The following CEACAM19 variants were observed in gnomAD, a reference collection of about 807,000 sequenced individuals.
CEACAM19 encodes CEA cell adhesion molecule 19, also known as cell adhesion molecule CEACAM19.
Under a neutral mutation model 37.6 loss-of-function variants are expected in CEACAM19, and 37 were observed. The ratio of observed to expected loss-of-function variants is 0.98; its 90% CI spans 0.76 to 1.29. The LOEUF (loss-of-function observed/expected upper bound fraction) is 1.29, where lower values mean the gene tolerates loss of function less well. Among genes scored for constraint, CEACAM19 ranks in the 50% most tolerant of loss-of-function variants. CEACAM19 has a pLI of 0.00. For missense variants in CEACAM19, 340 were observed against 375.6 expected (o/e 0.91, Z 0.78); for synonymous variants, 140 against 149.8 (o/e 0.93, Z 0.48).
At chr19:44,671,145 G>A (rs186386245), upstream of CEACAM19, among the ~76,000 whole-genome samples, 125 of 149,298 alleles carry the variant, frequency 8.4e-4, 2 homozygotes, top group African/African-American at 2.8e-3. Flanking sequence ...TTTTTGAGAC[G>A]AAGTCTCGCT....
chr19:44,668,773 T>A (rs1973810680), upstream of CEACAM19, among the ~76,000 whole-genome samples: 1 of 113,940 alleles, frequency 8.8e-6, no homozygotes, highest in African/African-American at 3.6e-5. Context: ...TATAATATAA[T>A]ATATAATTAT....
chr19:44,669,752 C>A (rs1973824931), upstream of CEACAM19, among the ~76,000 whole-genome samples: 3 of 152,154 alleles, frequency 2.0e-5, no homozygotes, highest in African/African-American at 7.2e-5. Context: ...CAGATGCCCC[C>A]TCCCCCAGGA....
At chr19:44,672,458 C>CTAATCAATCCCAGCATTGTTTCCAAT in intron 1 of CEACAM19, 138 bp from the exon 2 acceptor site, 1 of 965,004 alleles carries the variant, frequency 1.0e-6, no homozygotes, top group South Asian at 2.6e-5. Context: ...GCAGACATCA[C>CTAATCAATCCCAGCATTGTTTCCAAT]TAATCAATCC....
Position 44,671,581 on chromosome 19 carries a change from G to A in CEACAM19, c.-351G>A. On this transcript the variant is annotated 5_prime_UTR_variant, in exon 1 of 8. Coordinates refer to ENST00000358777, the MANE Select transcript of CEACAM19 (RefSeq NM_001127893.3). ...GCAGTGTGTGTTTGAACAAACCCAG[G>A]GGAATTGTTCAAACAGAGGCTGTTA... 1 of 414,358 alleles carries A rather than the reference G, an allele frequency of 2.4e-6. No homozygotes were observed. Among genetic ancestry groups the A allele is most frequent in the East Asian group, 3.4e-5 (1 of 29,342 alleles). 25.7% of individuals were successfully genotyped at this position (414,358 alleles called of 1,614,324 possible).
upstream of CEACAM19, among the ~76,000 whole-genome samples, chr19:44,668,581 TTA>T (rs1973796405): frequency 2.9e-5 from 2 of 68,584 alleles, no homozygotes; most frequent in Admixed American, 2.7e-4. Flanking sequence ...ATGTATATAA[TTA>T]TATAATTATA....
At chr19:44,668,982 G>T (rs1437587980), upstream of CEACAM19, among the ~76,000 whole-genome samples, 2 of 149,466 alleles carry the variant, frequency 1.3e-5, no homozygotes, top group African/African-American at 4.9e-5. Flanking sequence ...ACCACGGCCA[G>T]CTAATGTTTG....
At chr19:44,672,191 G>A (rs1973866935) in intron 1 of CEACAM19, among the ~76,000 whole-genome samples, 1 of 152,142 alleles carries the variant, frequency 6.6e-6, no homozygotes, top group Non-Finnish European at 1.5e-5. Context: ...AGGAATTTAT[G>A]TATGTTTGGT....
upstream of CEACAM19, among the ~76,000 whole-genome samples, chr19:44,667,657 TATATAA>T (rs1326781135): frequency 6.5e-5 from 6 of 91,696 alleles, no homozygotes; most frequent in East Asian, 8.0e-4. Flanking sequence ...ATTATATAGA[TATATAA>T]ATATAAATAT....
intron 7 of CEACAM19, 74 bp downstream of exon 7, chr19:44,682,694 G>A (rs569017722): frequency 2.8e-6 from 4 of 1,406,558 alleles, no homozygotes; most frequent in Non-Finnish European, 3.9e-6. Flanking sequence ...GGTGGGGAGG[G>A]GTCAAGACAA....
At chr19:44,671,074 G>A (rs1268560254), upstream of CEACAM19, among the ~76,000 whole-genome samples, 1 of 151,592 alleles carries the variant, frequency 6.6e-6, no homozygotes, top group Non-Finnish European at 1.5e-5. Context: ...TGGGCAACAA[G>A]AGCGAAACTC....
intron 7 of CEACAM19, chr19:44,683,189 T>C (rs2122156367): frequency 2.4e-6 from 1 of 419,568 alleles, no homozygotes; most frequent in Non-Finnish European, 4.3e-6. Flanking sequence ...TCTCTGCATC[T>C]CTGTCTCTCT....
chr19:44,668,214 TATA>T (rs1279011664), upstream of CEACAM19, among the ~76,000 whole-genome samples: 14 of 87,906 alleles, frequency 1.6e-4, no homozygotes, highest in East Asian at 3.6e-4. Context: ...TATATATTTA[TATA>T]ATATTTATAT....
At chr19:44,683,054 G>GGCTC (rs1974090756) in intron 7 of CEACAM19, 2 of 190,534 alleles carry the variant, frequency 1.0e-5, no homozygotes, top group African/African-American at 5.9e-5. Context: ...CCCTTTCTTG[G>GGCTC]ACTCTCTCTC....
At chr19:44,668,475 AATATATATATTAT>A (rs1338754570), upstream of CEACAM19, among the ~76,000 whole-genome samples, 18 of 62,856 alleles carry the variant, frequency 2.9e-4, no homozygotes, top group African/African-American at 1.3e-3. Flanking sequence ...TATATAATAT[AATATATATATTAT>A]ATATATTATA....
intron 3 of CEACAM19, 105 bp from the exon 4 acceptor site, chr19:44,678,747 AC>A (rs1295479229): frequency 3.4e-6 from 5 of 1,451,092 alleles, no homozygotes; most frequent in Admixed American, 2.1e-5. Flanking sequence ...CACACCTTCC[AC>A]CCCCTCCCCC....
At position 44,672,976 on chromosome 19, in the gene CEACAM19, G is replaced by A. The variant is rs774727216; in HGVS notation, c.424+12G>A. The A allele has an allele frequency of 1.4e-6, 2 of 1,463,220 alleles. No homozygotes were observed. The highest frequency in any genetic ancestry group is 2.5e-5 in the East Asian group (1 of 40,012). The allele number at this position is 1,463,220 out of a possible 1,614,324, so 90.6% of individuals were successfully genotyped here. On this transcript the variant is annotated intron_variant, in intron 2 of 7. Coordinates refer to ENST00000358777, the MANE Select transcript of CEACAM19 (RefSeq NM_001127893.3). ...GGTCCAGGTAGCTGGTAAGTGTTAGGGTCTGGGGATGAGGTGAGGAAGCTA... is the reference window on the plus strand; with the variant it reads ...GGTCCAGGTAGCTGGTAAGTGTTAGAGTCTGGGGATGAGGTGAGGAAGCTA...
chr19:44,683,384 A>G lies in CEACAM19; in HGVS notation c.847-53A>G, dbSNP rs754286696. On this transcript the variant is annotated intron_variant, in intron 7 of 7. Coordinates refer to ENST00000358777, the MANE Select transcript of CEACAM19 (RefSeq NM_001127893.3). ...TCCTCTGTCCCTCTCTGTCTCCCCA[A>G]GACTCTCCCCCTCCACCCAGTCATA... The G allele has an allele frequency of 2.3e-5, 17 of 725,648 alleles. No homozygotes were observed. The Admixed American group carries it at 4.1e-4, about 18-fold the overall frequency. 45.0% of individuals were successfully genotyped at this position (725,648 alleles called of 1,614,324 possible).
upstream of CEACAM19, among the ~76,000 whole-genome samples, chr19:44,667,797 T>TTA (rs1168379128): frequency 1.8e-4 from 13 of 71,938 alleles, no homozygotes; most frequent in African/African-American, 7.9e-4. Context: ...TATATATAAA[T>TTA]TATATAATTT....
chr19:44,680,282 C>A lies in CEACAM19; in HGVS notation c.660-6C>A. The A allele has an allele frequency of 6.3e-7, 1 of 1,588,334 alleles. No individual in the cohort carries two copies. Among genetic ancestry groups the A allele is most frequent in the Non-Finnish European group, 8.5e-7 (1 of 1,169,732 alleles). ...CCTAATATCAATTCCCTCTATGTGT[C>A]CCCAGGATGGCGACCACAGAGAAGC... On this transcript the variant is annotated splice_region_variant and splice_polypyrimidine_tract_variant and intron_variant, in intron 4 of 7. Coordinates refer to ENST00000358777, the MANE Select transcript of CEACAM19 (RefSeq NM_001127893.3).
Sources: allele counts gnomAD v4.1 joint callset (sites outside exome capture counted in the v4.1 genomes callset), GRCh38; gene constraint gnomAD v4.1.1; transcripts MANE v1.5; gene names NCBI Gene and HGNC (gene_info 2026-07-23, HGNC 2026-07-21).